SHOX: variants seen among roughly 807,000 people sequenced by gnomAD.
SHOX encodes short stature homeobox protein.
SHOX carries 12 observed loss-of-function variants against 29.6 expected under a neutral mutation model. That is an observed-to-expected ratio of 0.41 (90% CI 0.26 to 0.66). The LOEUF is 0.66. SHOX is among the 30% of genes least tolerant of loss of function. SHOX has a pLI of 0.35. For missense variants in SHOX, 499 were observed against 437.7 expected (o/e 1.14, Z -1.25); for synonymous variants, 214 against 200.6 (o/e 1.07, Z -0.57).
chrX:629,876 G>C (rs1363377049), upstream of SHOX, among the ~76,000 whole-genome samples: 1 of 152,204 alleles, frequency 6.6e-6, no homozygotes, highest in Non-Finnish European at 1.5e-5. Flanking sequence ...ACATTCAATA[G>C]CGAGAGGCGG....
chrX:649,155 A>G lies in SHOX; in HGVS notation c.*4519A>G, dbSNP rs1301586591. The stretch of plus-strand genomic sequence containing the variant: ...TGGCTTCAAGAAATTCTCCTGCCTC[A>G]GCCTCCCAAGTAGCTGGGATGACAG... On this transcript the variant is annotated 3_prime_UTR_variant, in exon 5 of 5. Transcript: ENST00000686671. Among the ~76,000 whole-genome samples, 7 of 151,892 alleles carry G rather than the reference A, an allele frequency of 4.6e-5. No individual in the cohort carries two copies. The highest frequency in any genetic ancestry group is 1.7e-4 in the African/African-American group (7 of 41,322).
chrX:632,262 C>A (rs1057040048), intron 1 of SHOX, among the ~76,000 whole-genome samples: 1 of 152,118 alleles, frequency 6.6e-6, no homozygotes, highest in African/African-American at 2.4e-5. Flanking sequence ...CTGGCCCTTC[C>A]TCCTGAGACC....
chrX:657,876 G>T (rs28474687), intron 5 of SHOX, among the ~76,000 whole-genome samples: 27,892 of 152,020 alleles, frequency 0.18, 2,924 homozygotes, highest in Admixed American at 0.3. Context: ...CGAGTGGAAG[G>T]GGCAGATGGA....
At position 631,174 on chromosome X, in the gene SHOX, G is replaced by A; in HGVS notation, c.277G>A (p.Gly93Arg). 1.2e-6 allele frequency: 2 copies of A among 1,612,616 alleles called. No homozygotes were observed. Among genetic ancestry groups the A allele is most frequent in the East Asian group, 2.2e-5 (1 of 44,844 alleles). Residue 93 changes from glycine to arginine, a missense_variant and splice_region_variant, in exon 1 of 5, where the codon GGG (glycine) becomes AGG (arginine). Physicochemically the swap from Gly to Arg is moderately radical, Grantham distance 125. Coordinates refer to ENST00000686671, the MANE Select transcript of SHOX (RefSeq NM_000451.4). ...KEFGTARVAE[G>R]IYECKEKRED... ...ATTCGGCACCGCGAGAGTGGCAGAA[G>A]GTAAGTTCCTTTGCGCTCCGGCTCC...
chrX:655,639 T>TC (rs2053136619), downstream of SHOX, among the ~76,000 whole-genome samples: 1 of 116,364 alleles, frequency 8.6e-6, no homozygotes, highest in Non-Finnish European at 1.8e-5. Flanking sequence ...TATATATATA[T>TC]ATATATATAT....
intron 2 of SHOX, among the ~76,000 whole-genome samples, chrX:639,602 A>G (rs376690928): frequency 1.3e-5 from 2 of 152,352 alleles, no homozygotes. Context: ...GAACGCTGGA[A>G]AGTTCGACAG....
At chrX:657,152 C>A (rs1324378026) in intron 5 of SHOX, among the ~76,000 whole-genome samples, 2 of 151,492 alleles carry the variant, frequency 1.3e-5, no homozygotes, top group Non-Finnish European at 1.5e-5. Context: ...ACAGAGCAAG[C>A]CTCAGCTTTC....
intron 4 of SHOX, among the ~76,000 whole-genome samples, chrX:643,051 C>T (rs1378736505): frequency 8.4e-6 from 1 of 119,444 alleles, no homozygotes; most frequent in African/African-American, 3.5e-5. Context: ...CCCGGGAGGG[C>T]CTTGGGGATC....
chrX:642,845 T>C (rs1350894623), intron 4 of SHOX, among the ~76,000 whole-genome samples: 1 of 149,866 alleles, frequency 6.7e-6, no homozygotes, highest in African/African-American at 2.5e-5. Flanking sequence ...CTTTGGGACC[T>C]GGTGTCCTGG....
chrX:651,415 A>C lies in SHOX; in HGVS notation c.*6779A>C, dbSNP rs937587976. 200 of 453,806 alleles carry C rather than the reference A, an allele frequency of 4.4e-4. No homozygotes were observed. Among genetic ancestry groups the C allele is most frequent in the African/African-American group, 1.2e-3 (58 of 49,832 alleles). 28.1% of individuals were successfully genotyped at this position (453,806 alleles called of 1,614,324 possible). A position where few individuals can be genotyped will look rare whatever the true frequency, so the allele number is the denominator to read the frequency against. ...AAAAAAAACAAACAAACAAACAGAA[A>C]AAAAAACCAAAAAAAACCACCCTGA... On this transcript the variant is annotated 3_prime_UTR_variant, in exon 5 of 5. Transcript: ENST00000686671.
chrX:639,871 A>G (rs779549887), intron 2 of SHOX, among the ~76,000 whole-genome samples: 2 of 149,784 alleles, frequency 1.3e-5, no homozygotes, highest in Admixed American at 6.7e-5. Flanking sequence ...CATGGTGGTG[A>G]GCACCTGTAA....
intron 4 of SHOX, 21 bp downstream of exon 4, chrX:641,108 C>T (rs1385518136): frequency 6.2e-7 from 1 of 1,608,504 alleles, no homozygotes; most frequent in East Asian, 2.2e-5. Flanking sequence ...TTTTCTTCCT[C>T]TGAAGATCCC....
chrX:624,881 T>TCTTC (rs2052482741), intron 1 of SHOX, among the ~76,000 whole-genome samples: 1 of 79,006 alleles, frequency 1.3e-5, no homozygotes, highest in East Asian at 2.4e-4. Flanking sequence ...TTTCTTTCTT[T>TCTTC]CTTTCTTTCT....
chrX:637,601 G>C (rs998056866), intron 2 of SHOX, among the ~76,000 whole-genome samples: 1 of 152,022 alleles, frequency 6.6e-6, no homozygotes, highest in African/African-American at 2.4e-5. Context: ...TGCAATAAAA[G>C]ACATAATTCT....
upstream of SHOX, among the ~76,000 whole-genome samples, chrX:627,921 G>C (rs985697395): frequency 4.6e-5 from 7 of 152,294 alleles, no homozygotes; most frequent in African/African-American, 1.7e-4. Flanking sequence ...TTACGGCGCA[G>C]TCCCTGGGGA....
Position 644,455 on chromosome X carries a change from C to T in SHOX, c.698C>T (p.Ala233Val), listed in dbSNP as rs750375727. The change falls in exon 5 of 5, where the codon GCG becomes GTG. Residue 233 changes from alanine to valine, a missense_variant. Physicochemically the swap from Ala to Val is moderately conservative, Grantham distance 64. Coordinates refer to ENST00000686671, the MANE Select transcript of SHOX (RefSeq NM_000451.4). The part of the protein sequence containing the change: ...HAHPHLHPHL[A>V]AHAPYLMFPP... ...CACCCGCACCTGCACCCGCACCTGG[C>T]GGCGCACGCGCCCTACCTGATGTTC... The T allele has an allele frequency of 1.3e-4, 191 of 1,522,312 alleles. 1 individual carries two copies. In the East Asian group the frequency reaches 4.6e-3, roughly 36 times the overall value. 94.3% of individuals were successfully genotyped at this position (1,522,312 alleles called of 1,614,324 possible). A position where few individuals can be genotyped will look rare whatever the true frequency, so the allele number is the denominator to read the frequency against.
upstream of SHOX, among the ~76,000 whole-genome samples, chrX:627,715 C>T (rs1007942737): frequency 3.9e-5 from 6 of 152,122 alleles, no homozygotes; most frequent in African/African-American, 1.2e-4. Context: ...CCTGGAGGCT[C>T]GGACACCCTG....
In SHOX at chrX:649,226, A is replaced by T. The variant is rs2053016173; in HGVS notation, c.*4590A>T. Among the ~76,000 whole-genome samples the T allele has an allele frequency of 6.6e-6, 1 of 151,794 alleles. No individual in the cohort carries two copies. The highest frequency in any genetic ancestry group is 2.4e-5 in the African/African-American group (1 of 41,330). On this transcript the variant is annotated 3_prime_UTR_variant, in exon 5 of 5. Coordinates refer to ENST00000686671, the MANE Select transcript of SHOX (RefSeq NM_000451.4). ...ATAATTTTTGTATTTTTTAGTAGAG[A>T]CCGGGTTTCGCCATGTTGGCCAGGC... is the stretch of plus-strand genomic sequence containing the variant.
chrX:624,518 G>A (rs1396572698), exon 1 of SHOX: 1 of 152,140 alleles, frequency 6.6e-6, no homozygotes, highest in East Asian at 1.9e-4. Context: ...TCCGCACAGG[G>A]TTTGCGGGAG....
Sources: gnomAD v4.1 joint callset for allele counts (sites outside exome capture counted in the v4.1 genomes callset) on GRCh38, gnomAD v4.1.1 for gene constraint, MANE v1.5 for transcripts, NCBI Gene and HGNC (gene_info 2026-07-23, HGNC 2026-07-21) for gene names.